TIAM2: variants seen among roughly 807,000 people sequenced by gnomAD.
The protein encoded by TIAM2 is TIAM Rac1 associated GEF 2.
A neutral mutation model predicts 152.9 loss-of-function variants in TIAM2; 80 were observed. That is an observed-to-expected ratio of 0.52 (90% CI 0.44 to 0.63). The LOEUF is 0.63. Ranked by LOEUF, TIAM2 falls within the 30% of genes least tolerant of loss-of-function variation. TIAM2 has a pLI of 0.00. For synonymous variants in TIAM2, 804 were observed against 838.0 expected, an observed-to-expected ratio of 0.96 and a Z score of 0.70; for missense variants, 1,965 against 2,120.1, an observed-to-expected ratio of 0.93 and a Z score of 1.44.
intron 1 of TIAM2, among the ~76,000 whole-genome samples, chr6:155,078,608 CA>C (rs1778002932): frequency 6.6e-6 from 1 of 152,186 alleles, no homozygotes; most frequent in Non-Finnish European, 1.5e-5. Flanking sequence ...GGCCAGCCAG[CA>C]AGGCTTTCCA....
At chr6:155,144,955 A>G (rs919410687) in intron 6 of TIAM2, among the ~76,000 whole-genome samples, 177 bp downstream of exon 6, 16 of 152,220 alleles carry the variant, frequency 1.1e-4, no homozygotes, top group African/African-American at 3.4e-4. Flanking sequence ...GCCATCAGCA[A>G]TCCAGTCATT....
chr6:155,147,721 G>A (rs991461516), intron 6 of TIAM2, among the ~76,000 whole-genome samples: 105 of 152,200 alleles, frequency 6.9e-4, no homozygotes, highest in African/African-American at 2.5e-3. Context: ...CTGACCTCAG[G>A]TGATCCACCT....
intron 15 of TIAM2, among the ~76,000 whole-genome samples, chr6:155,228,567 A>G (rs113135117): frequency 0.012 from 1,852 of 152,234 alleles, 33 homozygotes; most frequent in Non-Finnish European, 0.015. Context: ...GTTAGAGAAA[A>G]TGCAGTTCCT....
At chr6:155,147,547 G>A (rs1339082553) in intron 6 of TIAM2, among the ~76,000 whole-genome samples, 15 of 152,060 alleles carry the variant, frequency 9.9e-5, no homozygotes, top group East Asian at 5.8e-4. Flanking sequence ...GTGCAGTAGC[G>A]TGATCTTGGC....
intron 1 of TIAM2, among the ~76,000 whole-genome samples, chr6:155,019,753 A>G (rs9371845): frequency 0.75 from 114,378 of 152,138 alleles, 43,193 homozygotes; most frequent in African/African-American, 0.81. Flanking sequence ...TAGTGGAGCA[A>G]ATTAGAAAAG....
At chr6:155,029,795 T>G (rs1250776348) in intron 1 of TIAM2, among the ~76,000 whole-genome samples, 4 of 143,792 alleles carry the variant, frequency 2.8e-5, no homozygotes, top group Non-Finnish European at 6.1e-5. Flanking sequence ...GTTTTTTTTG[T>G]TTTGTTTTGT....
intron 2 of TIAM2, among the ~76,000 whole-genome samples, chr6:155,110,332 T>TTTTTTTG (rs1244132833): frequency 5.1e-5 from 7 of 137,420 alleles, no homozygotes; most frequent in South Asian, 2.3e-4. Context: ...TTTTTTTTGT[T>TTTTTTTG]GTTCTTTCTT....
At position 155,150,730 on chromosome 6, in the gene TIAM2, GAGGC is replaced by G. The variant is rs576123076; in HGVS notation, c.2028+2397_2028+2400del. On this transcript the variant is annotated intron_variant, in intron 7 of 26. Coordinates refer to ENST00000682666, the MANE Select transcript of TIAM2 (RefSeq NM_012454.4). ...GATGCCGGCAGATTCAGTGTCTGGT[GAGGC>G]CCTGCTTTCTGGTTTCTAGAAGCAT... Among the ~76,000 whole-genome samples, 284 of 150,868 alleles carry G rather than the reference GAGGC, an allele frequency of 1.9e-3. 1 individual carries two copies. The highest frequency in any genetic ancestry group is 6.5e-3 in the African/African-American group (266 of 41,216).
At chr6:155,140,199 C>T (rs1276345187) in intron 5 of TIAM2, among the ~76,000 whole-genome samples, 1 of 152,118 alleles carries the variant, frequency 6.6e-6, no homozygotes, top group Admixed American at 6.5e-5. Context: ...TGTTTCCCTC[C>T]TTGTGGGCAC....
At chr6:155,095,226 C>T (rs778906178) in intron 2 of TIAM2, among the ~76,000 whole-genome samples, 18 of 152,142 alleles carry the variant, frequency 1.2e-4, no homozygotes, top group Non-Finnish European at 1.9e-4. Context: ...GTGATATAAC[C>T]GAGGGAGTGG....
rs916733190 is a variant in TIAM2 at position 155,119,898 on chromosome 6, C to T, written c.-117-7592C>T. ...TACTGGGATTCACTCGTCTATTTTC[C>T]GTTCTGCTAGTCTCTCTTCTGCTCT... On this transcript the variant is annotated intron_variant, in intron 2 of 26. Transcript: ENST00000682666. 1.4e-4 allele frequency among the ~76,000 whole-genome samples: 21 copies of T among 152,296 alleles called. No individual in the cohort carries two copies. In the East Asian group the frequency reaches 3.5e-3, roughly 25 times the overall value.
At chr6:155,189,625 T>A (rs1402789814) in intron 14 of TIAM2, among the ~76,000 whole-genome samples, 1 of 152,234 alleles carries the variant, frequency 6.6e-6, no homozygotes, top group Non-Finnish European at 1.5e-5. Flanking sequence ...AGATAACCTT[T>A]TGTTAAATGT....
At chr6:155,123,830 A>T (rs1779229952) in intron 2 of TIAM2, among the ~76,000 whole-genome samples, 1 of 152,002 alleles carries the variant, frequency 6.6e-6, no homozygotes. Flanking sequence ...TCTTCGCTGG[A>T]CCTTGGTCTT....
At chr6:155,145,327 A>G (rs1284144417) in intron 6 of TIAM2, among the ~76,000 whole-genome samples, 2 of 152,160 alleles carry the variant, frequency 1.3e-5, no homozygotes, top group Non-Finnish European at 2.9e-5. Context: ...GTTGTAGAAC[A>G]TGGCGGTACT....
intron 9 of TIAM2, chr6:155,169,019 G>A (rs544519610): frequency 1.7e-4 from 193 of 1,141,510 alleles, no homozygotes; most frequent in Non-Finnish European, 2.1e-4. Context: ...TTTTTGAGAC[G>A]GAGTCTGGCT....
At chr6:155,172,681 T>G (rs1341614180) in intron 9 of TIAM2, among the ~76,000 whole-genome samples, 1 of 14,810 alleles carries the variant, frequency 6.8e-5, no homozygotes, top group African/African-American at 3.7e-4. Flanking sequence ...TATATATATA[T>G]ATATATTTTT....
At chr6:155,135,932 T>C (rs1021098178) in intron 4 of TIAM2, among the ~76,000 whole-genome samples, 13 of 152,056 alleles carry the variant, frequency 8.5e-5, no homozygotes, top group Non-Finnish European at 1.9e-4. Context: ...CGGTGGCTCA[T>C]GCCTGTAATC....
At chr6:155,060,475 A>T (rs1426769730) in intron 1 of TIAM2, among the ~76,000 whole-genome samples, 1 of 152,224 alleles carries the variant, frequency 6.6e-6, no homozygotes, top group Non-Finnish European at 1.5e-5. Context: ...TTCTCCCTCA[A>T]TTACTTTTTT....
intron 1 of TIAM2, among the ~76,000 whole-genome samples, chr6:155,076,199 C>T (rs1249811321): frequency 6.6e-6 from 1 of 152,028 alleles, no homozygotes. Context: ...GATGGAGCTT[C>T]CTGGGGTGGC....
Sources: gnomAD v4.1 joint callset for allele counts (sites outside exome capture counted in the v4.1 genomes callset) on GRCh38, gnomAD v4.1.1 for gene constraint, MANE v1.5 for transcripts, NCBI Gene and HGNC (gene_info 2026-07-23, HGNC 2026-07-21) for gene names.